The following RGS7 variants were observed in gnomAD, a reference collection of about 807,000 sequenced individuals.
RGS7 encodes the protein regulator of G protein signaling 7.
In RGS7, 27 loss-of-function variants were observed where a neutral mutation model predicts 81.1. The ratio of observed to expected loss-of-function variants is 0.33; its 90% CI spans 0.25 to 0.46. The LOEUF (loss-of-function observed/expected upper bound fraction) is 0.46. RGS7 is among the 20% of genes least tolerant of loss of function. RGS7 has a pLI of 1.00. For missense variants in RGS7, 396 were observed against 607.4 expected (o/e 0.65, Z 3.66); for synonymous variants, 208 against 207.7 (o/e 1.00, Z -0.01).
intron 2 of RGS7, among the ~76,000 whole-genome samples, chr1:241,237,579 T>C (rs951738700): frequency 1.4e-4 from 22 of 152,072 alleles, no homozygotes; most frequent in African/African-American, 5.3e-4. Flanking sequence ...GAAGATAAAT[T>C]GTAAAAGTTT....
At chr1:240,834,918 A>G (rs1233019947) in intron 9 of RGS7, among the ~76,000 whole-genome samples, 1 of 34,944 alleles carries the variant, frequency 2.9e-5, no homozygotes, top group Admixed American at 2.5e-4. Flanking sequence ...CTTACACTCC[A>G]CACACACACA....
intron 2 of RGS7, among the ~76,000 whole-genome samples, chr1:241,221,047 G>GGGAGGAAGGA (rs1418501510): frequency 1.0e-5 from 1 of 100,278 alleles, no homozygotes; most frequent in Non-Finnish European, 2.2e-5. Context: ...GGAAAAGAAA[G>GGGAGGAAGGA]AAAGAAAGAA....
intron 3 of RGS7, among the ~76,000 whole-genome samples, chr1:240,996,364 G>C (rs1687283724): frequency 1.3e-5 from 2 of 152,130 alleles, no homozygotes; most frequent in Admixed American, 1.3e-4. Flanking sequence ...CTGCCTGCTT[G>C]ATCTATGGAT....
At chr1:240,906,945 A>G (rs1670918606) in intron 6 of RGS7, among the ~76,000 whole-genome samples, 1 of 152,218 alleles carries the variant, frequency 6.6e-6, no homozygotes, top group African/African-American at 2.4e-5. Flanking sequence ...TAAGTTATAG[A>G]AAATCTTTGT....
intron 3 of RGS7, among the ~76,000 whole-genome samples, 157 bp from the exon 4 acceptor site, chr1:240,983,286 A>C (rs1685197152): frequency 6.6e-6 from 1 of 152,250 alleles, no homozygotes; most frequent in Non-Finnish European, 1.5e-5. Flanking sequence ...AATGCTGAAA[A>C]CACAAAGTAT....
intron 2 of RGS7, 128 bp from the exon 3 acceptor site, chr1:241,098,890 GT>G (rs546701917): frequency 3.0e-5 from 21 of 703,480 alleles, no homozygotes; most frequent in Non-Finnish European, 4.2e-5. Context: ...TGCCTTTCTA[GT>G]TTTTGCCACA....
intron 5 of RGS7, among the ~76,000 whole-genome samples, chr1:240,931,294 T>A (rs1322574302): frequency 6.6e-6 from 1 of 152,222 alleles, no homozygotes; most frequent in Non-Finnish European, 1.5e-5. Context: ...TCCAATGAGA[T>A]TAAAGCAACT....
chr1:240,976,778 CT>C (rs1355175811), intron 4 of RGS7, among the ~76,000 whole-genome samples: 4 of 143,646 alleles, frequency 2.8e-5, no homozygotes, highest in Non-Finnish European at 6.2e-5. Flanking sequence ...TATCATCGAT[CT>C]ATCATCTATT....
chr1:241,234,667 T>C (rs892140595), intron 2 of RGS7, among the ~76,000 whole-genome samples: 28 of 152,078 alleles, frequency 1.8e-4, no homozygotes, highest in Admixed American at 1.4e-3. Flanking sequence ...GGGCTTTCCA[T>C]GAGAAAGACA....
intron 4 of RGS7, among the ~76,000 whole-genome samples, chr1:240,976,501 G>C (rs1000794696): frequency 6.6e-6 from 1 of 152,186 alleles, no homozygotes; most frequent in African/African-American, 2.4e-5. Context: ...ATTTGAATTA[G>C]TAGACTTTGA....
intron 2 of RGS7, among the ~76,000 whole-genome samples, chr1:241,245,115 A>G (rs1038464432): frequency 5.9e-5 from 9 of 152,200 alleles, no homozygotes; most frequent in Non-Finnish European, 1.2e-4. Flanking sequence ...AATAAAAAAG[A>G]AAGAAAGTTG....
chr1:241,073,458 G>A (rs371580134), intron 3 of RGS7, among the ~76,000 whole-genome samples: 30 of 152,182 alleles, frequency 2.0e-4, no homozygotes, highest in African/African-American at 6.8e-4. Context: ...TACAACAAAT[G>A]TACACTTTGG....
chr1:241,316,257 G>T (rs913976407), intron 2 of RGS7, among the ~76,000 whole-genome samples: 2 of 152,144 alleles, frequency 1.3e-5, no homozygotes, highest in African/African-American at 4.8e-5. Context: ...CCCAGGTTTT[G>T]GGGGTTTGGG....
chr1:240,831,528 C>T (rs1693833416), intron 9 of RGS7, among the ~76,000 whole-genome samples: 1 of 151,018 alleles, frequency 6.6e-6, no homozygotes, highest in Non-Finnish European at 1.5e-5. Context: ...CTTCCTGATA[C>T]AATAAAAACG....
intron 6 of RGS7, among the ~76,000 whole-genome samples, chr1:240,917,049 T>C (rs1393101674): frequency 3.3e-5 from 5 of 152,110 alleles, no homozygotes; most frequent in Admixed American, 3.3e-4. Flanking sequence ...AAAAATAAAA[T>C]AACTGCTTTG....
At chr1:240,801,533 A>G (rs781332158) in intron 16 of RGS7, 25 bp from the exon 17 acceptor site, 2 of 1,494,730 alleles carry the variant, frequency 1.3e-6, no homozygotes, top group African/African-American at 2.8e-5. Flanking sequence ...GTAGGATAGG[A>G]TGAAGGGAAA....
intron 4 of RGS7, among the ~76,000 whole-genome samples, chr1:240,948,736 C>T (rs1337128766): frequency 6.6e-6 from 1 of 152,004 alleles, no homozygotes; most frequent in Admixed American, 6.6e-5. Flanking sequence ...AGCCACCATG[C>T]CCAGGCTATG....
intron 9 of RGS7, among the ~76,000 whole-genome samples, chr1:240,839,107 G>A (rs1049597833): frequency 1.3e-5 from 2 of 152,188 alleles, no homozygotes; most frequent in African/African-American, 4.8e-5. Flanking sequence ...GAGGCTAGAT[G>A]ATCCCAACTC....
At chr1:241,331,194 C>A (rs934292850) in intron 2 of RGS7, among the ~76,000 whole-genome samples, 5 of 152,124 alleles carry the variant, frequency 3.3e-5, no homozygotes, top group African/African-American at 1.2e-4. Flanking sequence ...TCCACTCACC[C>A]ATTGTGCTGC....
Sources: gnomAD v4.1 joint callset for allele counts (sites outside exome capture counted in the v4.1 genomes callset) on GRCh38, gnomAD v4.1.1 for gene constraint, MANE v1.5 for transcripts, NCBI Gene and HGNC (gene_info 2026-07-23, HGNC 2026-07-21) for gene names.